Variants in RNF220 observed in about 807,000 individuals in gnomAD.
The protein encoded by RNF220 is E3 ubiquitin-protein ligase RNF220.
RNF220 carries 7 observed loss-of-function variants against 67.1 expected under a neutral mutation model. That is an observed-to-expected ratio of 0.10 (90% CI 0.06 to 0.20). The LOEUF is 0.20. Among genes scored for constraint, RNF220 ranks in the 10% least tolerant of loss-of-function variants. RNF220 has a pLI of 1.00. For synonymous variants in RNF220, 270 were observed against 283.2 expected (o/e 0.95, Z 0.47); for missense variants, 565 against 740.3 (o/e 0.76, Z 2.75).
rs776179254 is a variant in RNF220 at position 44,645,328 on chromosome 1, T to C, written c.1366+52T>C. 1.9e-6 allele frequency: 3 copies of C among 1,613,232 alleles called. No individual in the cohort carries two copies. Among genetic ancestry groups the C allele is most frequent in the Admixed American group, 1.7e-5 (1 of 59,992 alleles). On this transcript the variant is annotated intron_variant, in intron 11 of 14. Coordinates refer to ENST00000361799, the MANE Select transcript of RNF220 (RefSeq NM_018150.4). The surrounding 1 kb of genome is among the most constrained non-coding windows in gnomAD (Gnocchi z 5.0). Reference sequence around the variant, plus strand: ...ATGGGGGAGAGGGGGTATCCCTAGATGGTGGTGACTGACTCAAGCCCAACC... The same window carrying C: ...ATGGGGGAGAGGGGGTATCCCTAGACGGTGGTGACTGACTCAAGCCCAACC...
intron 3 of RNF220, among the ~76,000 whole-genome samples, chr1:44,614,521 C>A (rs564043066): frequency 6.6e-6 from 1 of 152,318 alleles, no homozygotes; most frequent in East Asian, 1.9e-4. Flanking sequence ...AGTGACCCCG[C>A]AGGCCCCAGC....
intron 5 of RNF220, 42 bp downstream of exon 5, chr1:44,626,440 TG>T: frequency 6.6e-7 from 1 of 1,505,946 alleles, no homozygotes; most frequent in Non-Finnish European, 9.2e-7. Flanking sequence ...CAAGCTCACC[TG>T]GGGGAGGGCT....
intron 2 of RNF220, among the ~76,000 whole-genome samples, chr1:44,434,613 A>G (rs111861383): frequency 0.033 from 5,082 of 151,836 alleles, 289 homozygotes; most frequent in African/African-American, 0.12. Context: ...GCTACTCGGG[A>G]GGCTGAGGCA....
rs1347699488 is a variant in RNF220 at position 44,626,211 on chromosome 1, C to T, written c.805-86C>T. 6 of 1,007,564 alleles carry T rather than the reference C, an allele frequency of 6.0e-6. No individual in the cohort carries two copies. The East Asian group carries it at 1.2e-4, about 21-fold the overall frequency. 62.4% of individuals were successfully genotyped at this position (1,007,564 alleles called of 1,614,324 possible). A position where few individuals can be genotyped will look rare whatever the true frequency, so the allele number is the denominator to read the frequency against. On this transcript the variant is annotated intron_variant, in intron 4 of 14. Coordinates refer to ENST00000361799, the MANE Select transcript of RNF220 (RefSeq NM_018150.4). ...CAGCCTCCTTCTCTTTGCCTGGCTC[C>T]CCAAAGCACCACAGGACTGGGAACT...
intron 2 of RNF220, among the ~76,000 whole-genome samples, chr1:44,577,675 G>T (rs186986237): frequency 2.0e-5 from 3 of 152,206 alleles, no homozygotes; most frequent in Non-Finnish European, 2.9e-5. Context: ...AATAAACAGC[G>T]TGGTAAAATA....
At chr1:44,564,983 T>C (rs2148299610) in intron 2 of RNF220, among the ~76,000 whole-genome samples, 1 of 151,274 alleles carries the variant, frequency 6.6e-6, no homozygotes, top group East Asian at 2.0e-4. Context: ...GAATCAACTC[T>C]TTATCCCCTG....
chr1:44,610,329 G>A (rs576866779), intron 2 of RNF220, among the ~76,000 whole-genome samples: 16 of 152,220 alleles, frequency 1.1e-4, no homozygotes, highest in Non-Finnish European at 1.9e-4. Flanking sequence ...AGCAGGAACG[G>A]CAAGCGCCCG....
intron 2 of RNF220, among the ~76,000 whole-genome samples, chr1:44,604,350 TC>T (rs1425891000): frequency 8.5e-5 from 13 of 152,092 alleles, no homozygotes; most frequent in Non-Finnish European, 1.5e-4. Flanking sequence ...TGCCCCACCC[TC>T]CACTGGCCCA....
chr1:44,627,530 A>C (rs1249048055), intron 5 of RNF220, among the ~76,000 whole-genome samples: 1 of 152,098 alleles, frequency 6.6e-6, no homozygotes, highest in Non-Finnish European at 1.5e-5. Context: ...TAAGGGTAGC[A>C]TCTTAGCTAT....
At chr1:44,472,958 A>G (rs938854435) in intron 2 of RNF220, among the ~76,000 whole-genome samples, 1 of 152,140 alleles carries the variant, frequency 6.6e-6, no homozygotes, top group Non-Finnish European at 1.5e-5. Context: ...TAACTAGGTC[A>G]CATACGTTCC....
At position 44,432,895 on chromosome 1, in the gene RNF220, C is replaced by CTTTTTTTTT. The variant is rs759672475; in HGVS notation, c.625+20177_625+20178insTTTTTTTTT. On this transcript the variant is annotated intron_variant, in intron 2 of 14. Transcript: ENST00000361799. ...GGTATGTATGTAAGTTTCAAATTGG[C>CTTTTTTTTT]TTTTCTTTTTTTTTTTTTGAGTCTT... Among the ~76,000 whole-genome samples the CTTTTTTTTT allele has an allele frequency of 3.8e-5, 4 of 104,412 alleles. 2 individuals carry two copies. Among genetic ancestry groups the CTTTTTTTTT allele is most frequent in the African/African-American group, 6.9e-5 (2 of 29,190 alleles). The allele number at this position is 104,412 out of a possible 152,430, so 68.5% of individuals were successfully genotyped here.
chr1:44,536,271 C>T (rs552052774), intron 2 of RNF220, among the ~76,000 whole-genome samples: 1 of 152,178 alleles, frequency 6.6e-6, no homozygotes, highest in Admixed American at 6.5e-5. Context: ...GCAAGAACGA[C>T]GCATCTCCAG....
chr1:44,420,520 G>A (rs767684197), intron 2 of RNF220, among the ~76,000 whole-genome samples: 3 of 152,190 alleles, frequency 2.0e-5, no homozygotes, highest in Non-Finnish European at 4.4e-5. Context: ...GCTTCTGGGG[G>A]TTTGATTTAA....
chr1:44,482,146 T>C (rs1655875986), intron 2 of RNF220, among the ~76,000 whole-genome samples: 1 of 152,196 alleles, frequency 6.6e-6, no homozygotes, highest in Admixed American at 6.5e-5. Flanking sequence ...TTCCTAAAGT[T>C]TCTCAACTTA....
intron 6 of RNF220, among the ~76,000 whole-genome samples, chr1:44,633,894 G>A (rs1418387552): frequency 6.6e-6 from 1 of 152,230 alleles, no homozygotes; most frequent in Non-Finnish European, 1.5e-5. Context: ...CTAAGTCTGA[G>A]ATTCCAAGAG....
At position 44,650,921 on chromosome 1, in the gene RNF220, C is replaced by G. The variant is rs772409165; in HGVS notation, c.*146C>G. ...ACTCAAACATGCGTACACACACACA[C>G]ATTTACACACGCAGGACTCTGGAGC... On this transcript the variant is annotated 3_prime_UTR_variant, in exon 15 of 15. Coordinates refer to ENST00000361799, the MANE Select transcript of RNF220 (RefSeq NM_018150.4). This position sits in a 1 kb window ranked among gnomAD's most constrained non-coding sequence, Gnocchi z 4.3. The G allele has an allele frequency of 1.4e-6, 1 of 699,768 alleles. No individual in the cohort carries two copies. Among genetic ancestry groups the G allele is most frequent in the East Asian group, 2.8e-5 (1 of 36,184 alleles). The allele number at this position is 699,768 out of a possible 1,614,324, so 43.3% of individuals were successfully genotyped here. A position where few individuals can be genotyped will look rare whatever the true frequency, so the allele number is the denominator to read the frequency against.
At chr1:44,620,135 T>C (rs1399609125) in intron 3 of RNF220, among the ~76,000 whole-genome samples, 1 of 152,222 alleles carries the variant, frequency 6.6e-6, no homozygotes, top group East Asian at 1.9e-4. Context: ...CCTGAGTGTC[T>C]TTAGGGAGGC....
At chr1:44,601,673 G>A (rs1224664105) in intron 2 of RNF220, among the ~76,000 whole-genome samples, 2 of 152,116 alleles carry the variant, frequency 1.3e-5, no homozygotes, top group Non-Finnish European at 2.9e-5. Flanking sequence ...GAGGAAGCAA[G>A]GCCACCTAGC....
intron 1 of RNF220, among the ~76,000 whole-genome samples, chr1:44,407,355 G>C (rs1172927234): frequency 2.0e-5 from 3 of 152,226 alleles, no homozygotes; most frequent in African/African-American, 7.2e-5. Context: ...AGTGGGCAGG[G>C]GGGCTTTGCC....
Sources: allele counts gnomAD v4.1 joint callset (sites outside exome capture counted in the v4.1 genomes callset), GRCh38; gene constraint gnomAD v4.1.1; non-coding constraint Gnocchi (gnomAD v3.1); transcripts MANE v1.5; gene names NCBI Gene and HGNC (gene_info 2026-07-23, HGNC 2026-07-21).